The following WWC1 variants were observed in gnomAD, a reference collection of about 807,000 sequenced individuals.
WWC1 encodes protein KIBRA.
WWC1 carries 55 observed loss-of-function variants against 138.4 expected under a neutral mutation model. The observed-to-expected ratio is 0.40, with a 90% CI of 0.32 to 0.50. The LOEUF (loss-of-function observed/expected upper bound fraction) is 0.50, where lower values mean the gene tolerates loss of function less well. WWC1 is among the 20% of genes least tolerant of loss of function. The pLI, the probability that WWC1 is intolerant of heterozygous loss-of-function variation, is 0.72. For missense variants in WWC1, 1,226 were observed against 1,420.4 expected (o/e 0.86, Z 2.20); for synonymous variants, 524 against 564.9 (o/e 0.93, Z 1.03).
intron 1 of WWC1, among the ~76,000 whole-genome samples, chr5:168,334,502 AC>A (rs1329713594): frequency 6.6e-6 from 1 of 151,976 alleles, no homozygotes; most frequent in East Asian, 1.9e-4. Context: ...AATCACACTC[AC>A]TTGGGAAGCC....
chr5:168,371,756 C>T (rs996986728), intron 2 of WWC1, among the ~76,000 whole-genome samples: 4 of 152,110 alleles, frequency 2.6e-5, no homozygotes, highest in African/African-American at 9.7e-5. Context: ...TCTAAAACTC[C>T]TCTCACAATC....
At chr5:168,379,867 A>G (rs1317459656) in intron 2 of WWC1, among the ~76,000 whole-genome samples, 1 of 152,258 alleles carries the variant, frequency 6.6e-6, no homozygotes, top group African/African-American at 2.4e-5. Context: ...AAAATAGATC[A>G]TAGACCTAAA....
chr5:168,315,752 C>T (rs896570443), intron 1 of WWC1, among the ~76,000 whole-genome samples: 4 of 152,048 alleles, frequency 2.6e-5, no homozygotes, highest in Admixed American at 6.6e-5. Flanking sequence ...GTAGGGGTGA[C>T]GAATGGTCGC....
intron 17 of WWC1, among the ~76,000 whole-genome samples, chr5:168,447,037 A>T (rs1755339200): frequency 6.6e-6 from 1 of 152,104 alleles, no homozygotes. Flanking sequence ...AGCATTAGTA[A>T]GATTTAAAAG....
In WWC1 at chr5:168,385,350, T is replaced by C. The variant is rs771709179; in HGVS notation, c.369T>C (p.Leu123=). Residue 123 remains leucine (L), a synonymous_variant, in exon 3 of 23, where the codon CTT becomes CTC. Coordinates refer to ENST00000265293, the MANE Select transcript of WWC1 (RefSeq NM_015238.3). ...AGGTGAAGCAGCAGCGCCTGGAGCT[T>C]GCACAGCAGGAGTACCAGCAACTGC... ...IYQVKQQRLE[L]AQQEYQQLHA... 6.2e-7 allele frequency: 1 copy of C among 1,614,112 alleles called. No individual in the cohort carries two copies.
rs765174131 is a variant in WWC1, at chr5:168,441,778, A to C, written c.2377A>C (p.Ser793Arg). 7.4e-6 allele frequency: 12 copies of C among 1,614,182 alleles called. No homozygotes were observed. The South Asian group carries it at 1.2e-4, about 16-fold the overall frequency. Residue 793 changes from serine to arginine, a missense_variant, in exon 16 of 23, where the codon AGC (serine) becomes CGC (arginine). Physicochemically the swap from Ser to Arg is moderately radical, Grantham distance 110. Transcript: ENST00000265293. ...LLSYKYLKKQ[S>R]RELKPVGVMA... The stretch of plus-strand genomic sequence containing the variant: ...CAGCTACAAATACTTGAAGAAACAG[A>C]GCAGGGAGCTCAAGCCAGTGGGAGT...
chr5:168,317,201 T>C (rs1771682108), intron 1 of WWC1, among the ~76,000 whole-genome samples: 1 of 152,178 alleles, frequency 6.6e-6, no homozygotes, highest in Non-Finnish European at 1.5e-5. Context: ...GCTCTCTGAC[T>C]TCGCAGCCAA....
chr5:168,315,065 A>G (rs1218909442), intron 1 of WWC1, among the ~76,000 whole-genome samples: 1 of 152,166 alleles, frequency 6.6e-6, no homozygotes. Flanking sequence ...TGACGTTGGC[A>G]TGTATGTCTG....
intron 7 of WWC1, 103 bp from the exon 8 acceptor site, chr5:168,409,819 C>G: frequency 8.3e-7 from 1 of 1,209,988 alleles, no homozygotes; most frequent in Admixed American, 1.7e-5. Context: ...CTATTCTTGG[C>G]TACTGCCCAC....
intron 1 of WWC1, among the ~76,000 whole-genome samples, chr5:168,339,806 T>TTTTCTTTCTTTCTTTCTTTCTTTC (rs138461958): frequency 0.012 from 1,684 of 142,628 alleles, 22 homozygotes; most frequent in African/African-American, 0.027. Flanking sequence ...TTCTTTTTGT[T>TTTTCTTTCTTTCTTTCTTTCTTTC]TTTCTTTCTT....
In WWC1 at chr5:168,399,684, T is replaced by G. The variant is rs551749641; in HGVS notation, c.590+117T>G. ...CCTCCCTTCTCAAAATGTGGCTCTC[T>G]CATCATTCAATTCAAGTTCTGTTCC... On this transcript the variant is annotated intron_variant, in intron 5 of 22. Transcript: ENST00000265293. 9 of 1,007,666 alleles carry G rather than the reference T, an allele frequency of 8.9e-6. No homozygotes were observed. The East Asian group carries it at 2.4e-4, about 26-fold the overall frequency. 62.4% of individuals were successfully genotyped at this position (1,007,666 alleles called of 1,614,324 possible).
chr5:168,408,435 A>G, intron 6 of WWC1, 72 bp from the exon 7 acceptor site: 1 of 1,551,764 alleles, frequency 6.4e-7, no homozygotes. Flanking sequence ...AGAGGGAAGC[A>G]CAGGGAGCGT....
At chr5:168,429,591 C>T (rs1282390715) in intron 13 of WWC1, among the ~76,000 whole-genome samples, 1 of 152,040 alleles carries the variant, frequency 6.6e-6, no homozygotes, top group South Asian at 2.1e-4. Context: ...TAGTTGACAA[C>T]ATTTCCATAT....
rs1757161227 is a variant in WWC1 at position 168,465,249 on chromosome 5, G to A, written c.3150+287G>A. On this transcript the variant is annotated intron_variant, in intron 21 of 22. Transcript: ENST00000265293. ...TATTATTCACACATGTACTCATCATGCAGTTCTTCATGAAATACGTAGGGT... is the reference window on the plus strand; with the variant it reads ...TATTATTCACACATGTACTCATCATACAGTTCTTCATGAAATACGTAGGGT... 1.3e-5 allele frequency among the ~76,000 whole-genome samples: 2 copies of A among 152,202 alleles called. 1 individual carries two copies. The highest frequency in any genetic ancestry group is 4.1e-4 in the South Asian group (2 of 4,834).
chr5:168,328,952 G>C (rs7446633), intron 1 of WWC1, among the ~76,000 whole-genome samples: 1 of 152,172 alleles, frequency 6.6e-6, no homozygotes, highest in African/African-American at 2.4e-5. Context: ...GCATCCACCT[G>C]TCTGGGCTCC....
intron 1 of WWC1, among the ~76,000 whole-genome samples, chr5:168,319,320 C>T (rs1041629428): frequency 2.0e-5 from 3 of 152,006 alleles, no homozygotes; most frequent in Non-Finnish European, 2.9e-5. Flanking sequence ...CTCGGGAGGC[C>T]GAGGCAGGAG....
At chr5:168,401,593 C>T (rs1779314783) in intron 5 of WWC1, among the ~76,000 whole-genome samples, 1 of 152,224 alleles carries the variant, frequency 6.6e-6, no homozygotes, top group African/African-American at 2.4e-5. Flanking sequence ...GGGTGAGCCA[C>T]ACAAATTCAG....
chr5:168,313,915 C>T (rs529704154), intron 1 of WWC1, among the ~76,000 whole-genome samples: 1 of 152,280 alleles, frequency 6.6e-6, no homozygotes, highest in African/African-American at 2.4e-5. Context: ...CCGGGTGGGG[C>T]GATGGAGCTC....
At chr5:168,429,256 A>ATTTTTTT (rs67280988) in intron 13 of WWC1, among the ~76,000 whole-genome samples, 3 of 116,398 alleles carry the variant, frequency 2.6e-5, no homozygotes, top group African/African-American at 3.6e-5. Context: ...TATGATCTCA[A>ATTTTTTT]TTTTTTTTTT....
Sources: allele counts gnomAD v4.1 joint callset (sites outside exome capture counted in the v4.1 genomes callset), GRCh38; gene constraint gnomAD v4.1.1; transcripts MANE v1.5; gene names NCBI Gene and HGNC (gene_info 2026-07-23, HGNC 2026-07-21).